Variants in TEAD4 observed in about 807,000 individuals in gnomAD.
TEAD4 encodes the protein TEA domain transcription factor 4, also known as transcriptional enhancer factor TEF-3.
In TEAD4, 36 loss-of-function variants were observed where a neutral mutation model predicts 52.4. The ratio of observed to expected loss-of-function variants is 0.69; its 90% CI spans 0.53 to 0.91. The LOEUF (loss-of-function observed/expected upper bound fraction) is 0.91. TEAD4 is among the 40% of genes least tolerant of loss of function. The pLI is 0.00. For synonymous variants in TEAD4, 220 were observed against 231.0 expected, an observed-to-expected ratio of 0.95 and a Z score of 0.43; for missense variants, 508 against 583.9, an observed-to-expected ratio of 0.87 and a Z score of 1.34.
intron 2 of TEAD4, among the ~76,000 whole-genome samples, chr12:2,990,125 G>A (rs10082968): frequency 0.12 from 18,475 of 152,184 alleles, 2,117 homozygotes; most frequent in African/African-American, 0.3. Flanking sequence ...CTGTATCTAA[G>A]TTGTTAATCC....
rs566180360 is a variant in TEAD4 at position 3,009,104 on chromosome 12, G to A, written c.227-1900G>A. On this transcript the variant is annotated intron_variant, in intron 3 of 12. Transcript: ENST00000359864. The stretch of plus-strand genomic sequence containing the variant: ...TCTGTAGAAATTTGGAAGAATCTGC[G>A]GGAAAAACCTTAAAGGAACTAGATT... Among the ~76,000 whole-genome samples the A allele has an allele frequency of 2.0e-5, 3 of 152,290 alleles. No homozygotes were observed. The East Asian group carries it at 5.8e-4, about 29-fold the overall frequency.
At chr12:2,993,168 A>G (rs565486870) in intron 2 of TEAD4, among the ~76,000 whole-genome samples, 1 of 152,348 alleles carries the variant, frequency 6.6e-6, no homozygotes, top group Non-Finnish European at 1.5e-5. Context: ...CCAGGTTGGT[A>G]GTGTTACGTA....
chr12:2,985,688 T>G (rs558390538), intron 2 of TEAD4, among the ~76,000 whole-genome samples: 2 of 151,770 alleles, frequency 1.3e-5, no homozygotes, highest in East Asian at 4.1e-4. Context: ...GTATTTTTAG[T>G]AGAGACGGGG....
intron 2 of TEAD4, among the ~76,000 whole-genome samples, chr12:2,962,287 TA>T (rs2153951902): frequency 1.6e-5 from 1 of 60,780 alleles, no homozygotes; most frequent in East Asian, 5.3e-4. Context: ...TATATATATT[TA>T]TTTATATATA....
At position 3,017,396 on chromosome 12, in the gene TEAD4, A is replaced by G; in HGVS notation, c.355-2A>G. On this transcript the variant is annotated splice_acceptor_variant, in intron 5 of 12. Transcript: ENST00000359864. LOFTEE classifies it high-confidence loss of function. ...GGTCCTCCCTTGCAATGTCTCCCCC[A>G]GGACCAGGCAGCTAAGGACAAGGCC... 11 of 1,614,024 alleles carry G rather than the reference A, an allele frequency of 6.8e-6. No homozygotes were observed. The highest frequency in any genetic ancestry group is 9.3e-6 in the Non-Finnish European group (11 of 1,180,006).
At chr12:2,970,952 A>C (rs2098224468) in intron 2 of TEAD4, among the ~76,000 whole-genome samples, 1 of 152,234 alleles carries the variant, frequency 6.6e-6, no homozygotes, top group South Asian at 2.1e-4. Context: ...AAGCTGTACC[A>C]GTGCCTCCCA....
chr12:3,022,431 G>A (rs1013452603), intron 10 of TEAD4, among the ~76,000 whole-genome samples: 3 of 152,200 alleles, frequency 2.0e-5, no homozygotes, highest in Non-Finnish European at 4.4e-5. Flanking sequence ...GTCCTTCGGT[G>A]CTCGCGTCCA....
At chr12:2,975,181 AAC>A (rs1491569769) in intron 2 of TEAD4, among the ~76,000 whole-genome samples, 10,182 of 149,454 alleles carry the variant, frequency 0.068, 548 homozygotes, top group Admixed American at 0.099. Flanking sequence ...AAAACAAACA[AAC>A]AAAAAAAGAC....
rs113820244 is a variant in TEAD4, at chr12:3,018,999, G to T, written c.528-116G>T. The T allele has an allele frequency of 6.8e-6, 9 of 1,317,710 alleles. No individual in the cohort carries two copies. The East Asian group carries it at 1.8e-4, about 27-fold the overall frequency. 81.6% of individuals were successfully genotyped at this position (1,317,710 alleles called of 1,614,324 possible). ...CGGGAGTAGGAGGCCAAGGCCCATC[G>T]GGACCACTGAAATCCAGACCACCAG... On this transcript the variant is annotated intron_variant, in intron 7 of 12. Transcript: ENST00000359864.
chr12:2,982,336 C>T (rs2098234733), intron 2 of TEAD4, among the ~76,000 whole-genome samples: 1 of 152,146 alleles, frequency 6.6e-6, no homozygotes, highest in South Asian at 2.1e-4. Flanking sequence ...TGGGGGCTAC[C>T]CTGTAGCTTT....
At chr12:3,027,024 G>A (rs2098272508) in intron 10 of TEAD4, among the ~76,000 whole-genome samples, 1 of 152,018 alleles carries the variant, frequency 6.6e-6, no homozygotes, top group African/African-American at 2.4e-5. Context: ...ACTAAGTTTT[G>A]CTGTGTTGCC....
In TEAD4 at chr12:2,994,341, G is replaced by A. The variant is rs1021519830; in HGVS notation, c.-29-397G>A. Among the ~76,000 whole-genome samples the A allele has an allele frequency of 2.0e-5, 3 of 152,210 alleles. No individual in the cohort carries two copies. The highest frequency in any genetic ancestry group is 4.1e-4 in the South Asian group (2 of 4,828). ...TCTGCCTGCCTCAGCCTCCCAGAGT[G>A]CTGGGATTACAGGCGTGAGCCACAG... is the stretch of plus-strand genomic sequence containing the variant. On this transcript the variant is annotated intron_variant, in intron 2 of 12. Coordinates refer to ENST00000359864, the MANE Select transcript of TEAD4 (RefSeq NM_003213.4). This position sits in a 1 kb window ranked among gnomAD's most constrained non-coding sequence, Gnocchi z 4.7.
At chr12:2,979,816 C>A (rs144006410) in intron 2 of TEAD4, among the ~76,000 whole-genome samples, 1 of 152,168 alleles carries the variant, frequency 6.6e-6, no homozygotes. Context: ...TTTTAACCCA[C>A]GAACTTTGAG....
chr12:2,970,777 T>C (rs2098224354), intron 2 of TEAD4, among the ~76,000 whole-genome samples: 1 of 152,200 alleles, frequency 6.6e-6, no homozygotes, highest in Admixed American at 6.5e-5. Flanking sequence ...CCTGAGCATC[T>C]GTCTGCCTGG....
At chr12:2,985,052 C>CT (rs1295939040) in intron 2 of TEAD4, among the ~76,000 whole-genome samples, 2 of 152,174 alleles carry the variant, frequency 1.3e-5, no homozygotes, top group African/African-American at 2.4e-5. Context: ...CTTTCTGTAA[C>CT]TTTTTTACTT....
In TEAD4 at chr12:3,040,576, A is replaced by T; in HGVS notation, c.*98A>T. The T allele has an allele frequency of 9.5e-7, 1 of 1,050,256 alleles. No homozygotes were observed. The highest frequency in any genetic ancestry group is 1.4e-5 in the South Asian group (1 of 70,410). 65.1% of individuals were successfully genotyped at this position (1,050,256 alleles called of 1,614,324 possible). On this transcript the variant is annotated 3_prime_UTR_variant, in exon 13 of 13. Transcript: ENST00000359864. ...GGGCAGCCCCCTGAAGTGCCAAGAG[A>T]GCTGAGAGGAGCAGTTGTGACTCTA...
chr12:2,982,048 G>A (rs527677243), intron 2 of TEAD4, among the ~76,000 whole-genome samples: 2 of 152,256 alleles, frequency 1.3e-5, no homozygotes, highest in East Asian at 3.9e-4. Flanking sequence ...GCGTGAGATG[G>A]ATCGGACTAG....
At chr12:3,013,371 A>C (rs1272725553) in intron 5 of TEAD4, among the ~76,000 whole-genome samples, 2 of 151,752 alleles carry the variant, frequency 1.3e-5, no homozygotes, top group Non-Finnish European at 2.9e-5. Flanking sequence ...AGGTTGGCAA[A>C]GCTCCTCTCC....
Position 2,962,113 on chromosome 12 carries a change from TTTTTATTTTA to T in TEAD4, c.-30+2087_-30+2096del, listed in dbSNP as rs200197893. The stretch of plus-strand genomic sequence containing the variant: ...CCCCATTTTATTTTATTTTACTTTA[TTTTTATTTTA>T]TTTTATTTTATTTATTTTTGAGACG... On this transcript the variant is annotated intron_variant, in intron 2 of 12. Transcript: ENST00000359864. Among the ~76,000 whole-genome samples the T allele has an allele frequency of 3.3e-5, 5 of 150,912 alleles. No homozygotes were observed. The East Asian group carries it at 9.7e-4, about 29-fold the overall frequency.
Sources: allele counts gnomAD v4.1 joint callset (sites outside exome capture counted in the v4.1 genomes callset), GRCh38; gene constraint gnomAD v4.1.1; non-coding constraint Gnocchi (gnomAD v3.1); transcripts MANE v1.5; gene names NCBI Gene and HGNC (gene_info 2026-07-23, HGNC 2026-07-21).